The following IAPP variants were observed in gnomAD, a reference collection of about 807,000 sequenced individuals.
IAPP encodes Islet amyloid polypeptide (diabetes-associated peptide; amylin).
IAPP carries 4 observed loss-of-function variants against 2.9 expected under a neutral mutation model. The ratio of observed to expected loss-of-function variants is 1.39; its 90% CI spans 0.69 to 3.19. IAPP has a LOEUF of 3.19. IAPP is among the 30% of genes most tolerant of loss of function. IAPP has a pLI of 0.01. For synonymous variants in IAPP, 40 were observed against 42.1 expected (o/e 0.95, Z 0.19); for missense variants, 114 against 105.3 (o/e 1.08, Z -0.36).
At chr12:21,361,288 C>A (rs964730251) in intron 1 of IAPP, among the ~76,000 whole-genome samples, 3 of 152,176 alleles carry the variant, frequency 2.0e-5, no homozygotes, top group African/African-American at 7.2e-5. Flanking sequence ...TGGAGTGGAC[C>A]TCCAGCAAAC....
upstream of IAPP, among the ~76,000 whole-genome samples, chr12:21,370,331 CT>C (rs539121076): frequency 0.015 from 2,231 of 145,496 alleles, 24 homozygotes; most frequent in Non-Finnish European, 0.023. Context: ...TCTTCCTTTT[CT>C]TTTTTTTTTA....
chr12:21,366,836 A>G (rs1400766430), intron 1 of IAPP, among the ~76,000 whole-genome samples: 1 of 152,040 alleles, frequency 6.6e-6, no homozygotes, highest in Non-Finnish European at 1.5e-5. Flanking sequence ...TAGAAGTTAA[A>G]TAATTAAAGA....
intron 1 of IAPP, among the ~76,000 whole-genome samples, chr12:21,359,639 C>T (rs923006387): frequency 3.3e-5 from 5 of 151,852 alleles, no homozygotes; most frequent in African/African-American, 7.2e-5. Context: ...CCCAGCTACT[C>T]GGGAGGCTGA....
upstream of IAPP, among the ~76,000 whole-genome samples, chr12:21,370,354 G>A (rs1939688552): frequency 6.6e-6 from 1 of 151,286 alleles, no homozygotes; most frequent in Admixed American, 6.6e-5. Context: ...TATACTTTAA[G>A]TTTTAGGGTA....
At chr12:21,359,725 C>T (rs183019634) in intron 1 of IAPP, among the ~76,000 whole-genome samples, 18 of 148,312 alleles carry the variant, frequency 1.2e-4, no homozygotes, top group East Asian at 5.9e-4. Context: ...CCAGCCTGGG[C>T]GACAGAGCGA....
chr12:21,363,215 CA>C (rs1222007212), intron 1 of IAPP, among the ~76,000 whole-genome samples: 2 of 152,152 alleles, frequency 1.3e-5, no homozygotes, highest in African/African-American at 4.8e-5. Context: ...ACAGTGCAAT[CA>C]AACTAGAACT....
intron 1 of IAPP, among the ~76,000 whole-genome samples, chr12:21,358,815 AC>A (rs1282930793): frequency 6.6e-6 from 1 of 152,190 alleles, no homozygotes; most frequent in Non-Finnish European, 1.5e-5. Flanking sequence ...AAGTCTAAAT[AC>A]CTACCAAAGC....
At chr12:21,361,941 G>A (rs1938931170) in intron 1 of IAPP, among the ~76,000 whole-genome samples, 2 of 152,142 alleles carry the variant, frequency 1.3e-5, no homozygotes, top group South Asian at 2.1e-4. Flanking sequence ...AAAATGACGG[G>A]GAGAATGGAA....
At chr12:21,363,797 A>C (rs910173235) in intron 1 of IAPP, among the ~76,000 whole-genome samples, 9 of 152,232 alleles carry the variant, frequency 5.9e-5, no homozygotes, top group Non-Finnish European at 8.8e-5. Flanking sequence ...GAAAATCTAG[A>C]AGAAATGGAT....
chr12:21,374,744 T>C (rs1392491457), intron 2 of IAPP, among the ~76,000 whole-genome samples: 2 of 152,200 alleles, frequency 1.3e-5, no homozygotes, highest in Admixed American at 1.3e-4. Flanking sequence ...TATATCTTGA[T>C]ACTTTCTTTC....
rs1326728663 is a variant in IAPP, at chr12:21,372,910, A to C, written c.-110A>C. On this transcript the variant is annotated 5_prime_UTR_variant, in exon 1 of 3. Transcript: ENST00000240652. The stretch of plus-strand genomic sequence containing the variant: ...ATTACTAGTTAGCAAATGAGGGGGT[A>C]AATATTCCAGTGGATACAAGCTTGG... 2 of 199,900 alleles carry C rather than the reference A, an allele frequency of 1.0e-5. No homozygotes were observed. Among genetic ancestry groups the C allele is most frequent in the African/African-American group, 2.4e-5 (1 of 41,814 alleles). The allele number at this position is 199,900 out of a possible 1,614,324, so 12.4% of individuals were successfully genotyped here. A position where few individuals can be genotyped will look rare whatever the true frequency, so the allele number is the denominator to read the frequency against.
chr12:21,365,841 A>G (rs1353656131), intron 1 of IAPP, among the ~76,000 whole-genome samples: 2 of 152,236 alleles, frequency 1.3e-5, no homozygotes, highest in African/African-American at 4.8e-5. Context: ...CATCAAAACC[A>G]CAATGAGATA....
At chr12:21,372,512 A>G (rs1030864449), upstream of IAPP, among the ~76,000 whole-genome samples, 2 of 152,046 alleles carry the variant, frequency 1.3e-5, no homozygotes, top group Non-Finnish European at 2.9e-5. Context: ...GGATTCAGCC[A>G]TTGAGGTCAC....
intron 2 of IAPP, chr12:21,373,804 A>AT (rs1939984268): frequency 1.6e-6 from 1 of 637,484 alleles, no homozygotes; most frequent in Admixed American, 2.6e-5. Flanking sequence ...ATATATTTTT[A>AT]TACCAAGTGG....
At chr12:21,369,816 G>A (rs1939654268), upstream of IAPP, among the ~76,000 whole-genome samples, 1 of 152,192 alleles carries the variant, frequency 6.6e-6, no homozygotes, top group Non-Finnish European at 1.5e-5. Flanking sequence ...ACCAAGATAA[G>A]TGACAGTGAT....
chr12:21,355,709 G>A (rs1938314917), intron 1 of IAPP, among the ~76,000 whole-genome samples: 1 of 152,058 alleles, frequency 6.6e-6, no homozygotes, highest in Non-Finnish European at 1.5e-5. Context: ...AAAAACAGAT[G>A]ATCTTATAAA....
intron 1 of IAPP, among the ~76,000 whole-genome samples, chr12:21,364,858 C>T (rs140068396): frequency 0.025 from 3,753 of 152,170 alleles, 181 homozygotes; most frequent in African/African-American, 0.085. Flanking sequence ...AGTACCTCTT[C>T]AAGGAGAACT....
At chr12:21,373,046 A>G (rs1939915364) in intron 1 of IAPP, 42 bp downstream of exon 1, 1 of 328,782 alleles carries the variant, frequency 3.0e-6, no homozygotes, top group African/African-American at 2.2e-5. Context: ...ATTTATTTAG[A>G]GAAATGCACA....
At chr12:21,368,414 A>C (rs189885454), upstream of IAPP, among the ~76,000 whole-genome samples, 8 of 152,268 alleles carry the variant, frequency 5.3e-5, no homozygotes, top group East Asian at 1.5e-3. Flanking sequence ...TTAAAGAGTC[A>C]CACAGAGCAA....
Sources: gnomAD v4.1 joint callset for allele counts (sites outside exome capture counted in the v4.1 genomes callset) on GRCh38, gnomAD v4.1.1 for gene constraint, MANE v1.5 for transcripts, NCBI Gene and HGNC (gene_info 2026-07-23, HGNC 2026-07-21) for gene names.